DCAF5: variants seen among roughly 807,000 people sequenced by gnomAD.
DCAF5 encodes DDB1 and CUL4 associated factor 5.
In DCAF5, 9 loss-of-function variants were observed where a neutral mutation model predicts 80.7. That is an observed-to-expected ratio of 0.11 (90% CI 0.07 to 0.19). The LOEUF (loss-of-function observed/expected upper bound fraction) is 0.19. DCAF5 is among the 10% of genes least tolerant of loss of function. The probability of loss-of-function intolerance (pLI) is 1.00; values close to 1 mark genes in which losing one functional copy is unlikely to be tolerated. For synonymous variants in DCAF5, 433 were observed against 461.9 expected (o/e 0.94, Z 0.80); for missense variants, 842 against 1,205.7 (o/e 0.70, Z 4.47).
intron 1 of DCAF5, 59 bp from the exon 2 acceptor site, chr14:69,122,419 G>T (rs1199717596): frequency 6.4e-7 from 1 of 1,559,982 alleles, no homozygotes; most frequent in African/African-American, 1.3e-5. Context: ...GCTGACAGAT[G>T]GTTTTGCCAG....
intron 7 of DCAF5, among the ~76,000 whole-genome samples, chr14:69,074,101 C>G (rs2038809264): frequency 6.6e-6 from 1 of 152,124 alleles, no homozygotes. Flanking sequence ...TAGGCCCCAA[C>G]AGGTTTTGAA....
chr14:69,078,143 CTTTAA>C (rs1261318189), intron 6 of DCAF5, among the ~76,000 whole-genome samples: 1 of 152,158 alleles, frequency 6.6e-6, no homozygotes, highest in Non-Finnish European at 1.5e-5. Flanking sequence ...TCTTGTTAAA[CTTTAA>C]TTTAAAAGTT....
At chr14:69,139,546 C>A (rs183470662) in intron 1 of DCAF5, among the ~76,000 whole-genome samples, 3 of 150,548 alleles carry the variant, frequency 2.0e-5, no homozygotes, top group Admixed American at 2.0e-4. Flanking sequence ...GGGCATGGTG[C>A]CTCATATCTG....
intron 5 of DCAF5, among the ~76,000 whole-genome samples, chr14:69,113,725 A>C (rs2040448508): frequency 1.3e-5 from 2 of 152,196 alleles, no homozygotes; most frequent in African/African-American, 4.8e-5. Flanking sequence ...ACTTGTACTG[A>C]GGGAATTCTA....
At chr14:69,150,217 C>T (rs2041658196) in intron 1 of DCAF5, among the ~76,000 whole-genome samples, 1 of 152,036 alleles carries the variant, frequency 6.6e-6, no homozygotes, top group African/African-American at 2.4e-5. Context: ...AAAAAGGAAA[C>T]AGGAAGAACT....
At chr14:69,061,967 C>T (rs961760469) in intron 8 of DCAF5, among the ~76,000 whole-genome samples, 5 of 152,074 alleles carry the variant, frequency 3.3e-5, no homozygotes, top group African/African-American at 1.2e-4. Context: ...CCAGCTTGGG[C>T]AACACAGCAA....
chr14:69,057,565 C>T (rs570833648), intron 8 of DCAF5, among the ~76,000 whole-genome samples: 2 of 152,342 alleles, frequency 1.3e-5, no homozygotes, highest in African/African-American at 4.8e-5. Flanking sequence ...CAGTGTATTA[C>T]TACCCAGCTC....
chr14:69,128,299 G>C (rs531118040), intron 1 of DCAF5, among the ~76,000 whole-genome samples: 1 of 150,586 alleles, frequency 6.6e-6, no homozygotes, highest in South Asian at 2.1e-4. Flanking sequence ...TGATTATCCT[G>C]CCTCGGCTCC....
intron 2 of DCAF5, 70 bp downstream of exon 2, chr14:69,122,146 GT>G: frequency 1.3e-6 from 2 of 1,542,114 alleles, no homozygotes; most frequent in Non-Finnish European, 1.8e-6. Context: ...AAAATAAGGA[GT>G]TATTTTCGCA....
intron 7 of DCAF5, among the ~76,000 whole-genome samples, chr14:69,073,730 T>C (rs1407982588): frequency 6.6e-6 from 1 of 152,250 alleles, no homozygotes; most frequent in Admixed American, 6.5e-5. Flanking sequence ...CTATTCTCTC[T>C]ATTCAAACGT....
chr14:69,056,291 C>A (rs1192635975), intron 8 of DCAF5, among the ~76,000 whole-genome samples: 1 of 152,168 alleles, frequency 6.6e-6, no homozygotes, highest in Admixed American at 6.5e-5. Context: ...TAATCCCCAA[C>A]AAGTCTGTTA....
chr14:69,146,950 A>C (rs2041557451), intron 1 of DCAF5, among the ~76,000 whole-genome samples: 1 of 152,232 alleles, frequency 6.6e-6, no homozygotes, highest in African/African-American at 2.4e-5. Context: ...TAACTACCGA[A>C]CCAACAAATT....
intron 7 of DCAF5, among the ~76,000 whole-genome samples, chr14:69,063,077 AACTAAGG>A (rs2038286389): frequency 6.6e-6 from 1 of 152,218 alleles, no homozygotes; most frequent in South Asian, 2.1e-4. Context: ...TAGCAGGGAG[AACTAAGG>A]ATATAGAAAG....
At chr14:69,116,208 G>A (rs1380752327) in intron 5 of DCAF5, among the ~76,000 whole-genome samples, 158 bp downstream of exon 5, 1 of 152,164 alleles carries the variant, frequency 6.6e-6, no homozygotes, top group African/African-American at 2.4e-5. Context: ...CTATTCCTTG[G>A]AAACAAGCTC....
rs546654179 is a variant in DCAF5, at chr14:69,136,289, T to C, written c.215-13929A>G. ...CATCACCATGCCTGGCTAATTGTTTTCTTTTTTGTAGAGACAGGGTCTTGC... is the reference window on the plus strand; with the variant it reads ...CATCACCATGCCTGGCTAATTGTTTCCTTTTTTGTAGAGACAGGGTCTTGC... On this transcript the variant is annotated intron_variant, in intron 1 of 8. Transcript: ENST00000341516. Among the ~76,000 whole-genome samples the C allele has an allele frequency of 4.6e-5, 7 of 152,104 alleles. 1 individual carries two copies. The South Asian group carries it at 1.5e-3, about 32-fold the overall frequency.
chr14:69,107,853 T>C (rs190055514), intron 5 of DCAF5, among the ~76,000 whole-genome samples: 196 of 152,370 alleles, frequency 1.3e-3, no homozygotes, highest in African/African-American at 4.3e-3. Context: ...TATATATTCA[T>C]TCAATATTTA....
At position 69,152,087 on chromosome 14, in the gene DCAF5, T is replaced by A. The variant is rs1039791724; in HGVS notation, c.214+678A>T. Among the ~76,000 whole-genome samples, 2 of 152,034 alleles carry A rather than the reference T, an allele frequency of 1.3e-5. No individual in the cohort carries two copies. Among genetic ancestry groups the A allele is most frequent in the African/African-American group, 4.8e-5 (2 of 41,400 alleles). On this transcript the variant is annotated intron_variant, in intron 1 of 8. Coordinates refer to ENST00000341516, the MANE Select transcript of DCAF5 (RefSeq NM_003861.3). This position sits in a 1 kb window ranked among gnomAD's most constrained non-coding sequence, Gnocchi z 4.1. The stretch of plus-strand genomic sequence containing the variant: ...AAGTTCAGGCTGGTGCCCTTTAGCC[T>A]CCACAGCCCTCGCCACTCTCGAAAC...
chr14:69,077,685 A>G (rs1262355361), intron 6 of DCAF5, among the ~76,000 whole-genome samples: 2 of 152,152 alleles, frequency 1.3e-5, no homozygotes, highest in Non-Finnish European at 2.9e-5. Flanking sequence ...CCAGGTCTAG[A>G]GTTTTCTAAA....
At chr14:69,122,176 C>T (rs925162395) in intron 2 of DCAF5, 41 bp downstream of exon 2, 1 of 1,591,002 alleles carries the variant, frequency 6.3e-7, no homozygotes, top group African/African-American at 1.3e-5. Flanking sequence ...TCTAAAATCC[C>T]AACCACAGTG....
Sources: allele counts gnomAD v4.1 joint callset (sites outside exome capture counted in the v4.1 genomes callset), GRCh38; gene constraint gnomAD v4.1.1; non-coding constraint Gnocchi (gnomAD v3.1); transcripts MANE v1.5; gene names NCBI Gene and HGNC (gene_info 2026-07-23, HGNC 2026-07-21).